The following ACSS1 variants were observed in gnomAD, a reference collection of about 807,000 sequenced individuals.
ACSS1 encodes acyl-CoA synthetase short chain family member 1.
ACSS1 carries 42 observed loss-of-function variants against 75.3 expected under a neutral mutation model. The ratio of observed to expected loss-of-function variants is 0.56; its 90% CI spans 0.44 to 0.72. The LOEUF is 0.72. Ranked by LOEUF, ACSS1 falls within the 30% of genes least tolerant of loss-of-function variation. The pLI, the probability that ACSS1 is intolerant of heterozygous loss-of-function variation, is 0.00. For missense variants in ACSS1, 782 were observed against 935.7 expected (o/e 0.84, Z 2.14); for synonymous variants, 380 against 376.8 (o/e 1.01, Z -0.10).
chr20:25,023,775 A>G, intron 3 of ACSS1, 134 bp from the exon 4 acceptor site: 2 of 852,178 alleles, frequency 2.3e-6, no homozygotes, highest in Non-Finnish European at 3.5e-6. Flanking sequence ...ACTCAATGGA[A>G]AAAGTGAGGG....
At chr20:25,053,923 G>C (rs752904660) in intron 1 of ACSS1, among the ~76,000 whole-genome samples, 7 of 152,238 alleles carry the variant, frequency 4.6e-5, no homozygotes, top group Admixed American at 1.3e-4. Context: ...CTCTGGTTCT[G>C]CATTTACAAC....
intron 13 of ACSS1, 130 bp from the exon 14 acceptor site, chr20:25,008,071 A>G: frequency 8.3e-7 from 1 of 1,210,856 alleles, no homozygotes. Context: ...TGGATGTCTA[A>G]GCCTCCACCC....
intron 2 of ACSS1, among the ~76,000 whole-genome samples, chr20:25,036,858 G>A (rs1471474071): frequency 6.6e-6 from 1 of 151,796 alleles, no homozygotes. Context: ...GGGAGGCTAA[G>A]GCAGGAGAAT....
intron 3 of ACSS1, among the ~76,000 whole-genome samples, chr20:25,028,287 A>T (rs1229195359): frequency 6.6e-6 from 1 of 152,232 alleles, no homozygotes; most frequent in Non-Finnish European, 1.5e-5. Flanking sequence ...ACAAGAAAGC[A>T]AGAAGAGCCA....
At chr20:25,056,280 G>A (rs912840502) in intron 1 of ACSS1, among the ~76,000 whole-genome samples, 3 of 152,166 alleles carry the variant, frequency 2.0e-5, no homozygotes, top group Non-Finnish European at 4.4e-5. Flanking sequence ...CTGTCCTTGG[G>A]CAAGCTGCTC....
chr20:25,056,126 C>T (rs942733924), intron 1 of ACSS1, among the ~76,000 whole-genome samples: 5 of 152,186 alleles, frequency 3.3e-5, no homozygotes, highest in African/African-American at 7.2e-5. Context: ...CCTGACCGAG[C>T]GAGGTTCAGA....
intron 13 of ACSS1, among the ~76,000 whole-genome samples, chr20:25,008,943 G>A (rs532868687): frequency 7.2e-5 from 11 of 152,318 alleles, no homozygotes; most frequent in African/African-American, 2.4e-4. Context: ...AGCTGGCTGA[G>A]TGTGGAAACC....
chr20:25,056,118 T>C (rs1600356757), intron 1 of ACSS1, among the ~76,000 whole-genome samples: 1 of 152,238 alleles, frequency 6.6e-6, no homozygotes, highest in Non-Finnish European at 1.5e-5. Flanking sequence ...ACCCTGATCC[T>C]GACCGAGCGA....
intron 2 of ACSS1, among the ~76,000 whole-genome samples, chr20:25,043,789 C>A (rs1369604618): frequency 2.6e-5 from 4 of 152,242 alleles, no homozygotes; most frequent in Non-Finnish European, 4.4e-5. Flanking sequence ...GTGCTTCATG[C>A]ACGCCTGCCA....
rs145566886 is a variant in ACSS1 at position 25,022,189 on chromosome 20, T to A, written c.961-653A>T. 5.0e-4 allele frequency among the ~76,000 whole-genome samples: 76 copies of A among 152,130 alleles called. 1 individual carries two copies. The South Asian group carries it at 0.015, about 31-fold the overall frequency. Reference sequence around the variant, plus strand: ...CTGACCAACATGGCAAAACCCTGTCTCTACTAAAAATACAAAAAAAAATTA... The same window carrying A: ...CTGACCAACATGGCAAAACCCTGTCACTACTAAAAATACAAAAAAAAATTA... On this transcript the variant is annotated intron_variant, in intron 5 of 13. Transcript: ENST00000323482.
At chr20:25,057,626 C>A (rs976644455) in intron 1 of ACSS1, 143 bp downstream of exon 1, 5 of 696,884 alleles carry the variant, frequency 7.2e-6, no homozygotes, top group Non-Finnish European at 4.5e-6. Context: ...TTAGAGCGGG[C>A]GGGGCGGACG....
Position 25,008,026 on chromosome 20 carries a change from C to T in ACSS1, c.1891-85G>A, listed in dbSNP as rs1033385165. The T allele has an allele frequency of 7.4e-6, 11 of 1,495,712 alleles. No homozygotes were observed. In the African/African-American group the frequency reaches 1.5e-4, roughly 21 times the overall value. The allele number at this position is 1,495,712 out of a possible 1,614,324, so 92.7% of individuals were successfully genotyped here. On this transcript the variant is annotated intron_variant, in intron 13 of 13. Transcript: ENST00000323482. ...GGACTGCATTAAGATCAGAAGGGCT[C>T]TGCTCAGGGGGGATGCCCTCCCGGG...
chr20:25,054,453 T>C (rs978870806), intron 1 of ACSS1, among the ~76,000 whole-genome samples: 20 of 152,260 alleles, frequency 1.3e-4, no homozygotes, highest in African/African-American at 3.6e-4. Context: ...CTAACAGCCC[T>C]GGGATGGGTG....
intron 1 of ACSS1, among the ~76,000 whole-genome samples, chr20:25,048,643 C>A (rs2089133285): frequency 6.6e-6 from 1 of 152,240 alleles, no homozygotes; most frequent in African/African-American, 2.4e-5. Context: ...CCAGTGCTGA[C>A]CTGCCCCCAA....
intron 1 of ACSS1, 119 bp from the exon 2 acceptor site, chr20:25,048,300 A>G: frequency 1.3e-6 from 1 of 763,710 alleles, no homozygotes; most frequent in Non-Finnish European, 2.2e-6. Flanking sequence ...CCACTGACAG[A>G]GACCCTGTCC....
Position 25,009,367 on chromosome 20 carries a change from A to C in ACSS1, c.1793T>G (p.Val598Gly). Reference protein sequence around the residue: ...KGEAAFAFIVVKDSAGDSDVV... With the variant: ...KGEAAFAFIVGKDSAGDSDVV... ...ATCTGAGTCACCCGCACTATCTTTC[A>C]CCACAATGAAGGCAAAGGCAGCTGA... Residue 598 changes from valine (V) to glycine (G), a missense_variant, in exon 13 of 14, where the codon GTG becomes GGG. Val to Gly is a moderately radical substitution (Grantham distance 109). Transcript: ENST00000323482. The C allele has an allele frequency of 1.2e-6, 2 of 1,614,188 alleles. No individual in the cohort carries two copies. Among genetic ancestry groups the C allele is most frequent in the Non-Finnish European group, 8.5e-7 (1 of 1,180,026 alleles).
At chr20:25,012,484 G>T in intron 12 of ACSS1, 117 bp downstream of exon 12, 1 of 1,263,054 alleles carries the variant, frequency 7.9e-7, no homozygotes. Context: ...AACACTGAGA[G>T]CTTGGCCCAC....
intron 2 of ACSS1, among the ~76,000 whole-genome samples, chr20:25,038,459 T>C (rs1239133686): frequency 2.0e-5 from 3 of 152,184 alleles, no homozygotes; most frequent in African/African-American, 7.2e-5. Flanking sequence ...CCATAATGAC[T>C]GCAGAAAATA....
chr20:25,026,662 T>C (rs972284254), intron 3 of ACSS1, among the ~76,000 whole-genome samples: 1 of 152,246 alleles, frequency 6.6e-6, no homozygotes, highest in Non-Finnish European at 1.5e-5. Flanking sequence ...TTTTCAGTTT[T>C]ATTAAACACT....
Sources: gnomAD v4.1 joint callset for allele counts (sites outside exome capture counted in the v4.1 genomes callset) on GRCh38, gnomAD v4.1.1 for gene constraint, MANE v1.5 for transcripts, NCBI Gene and HGNC (gene_info 2026-07-23, HGNC 2026-07-21) for gene names.